DCDC2: variants seen among roughly 807,000 people sequenced by gnomAD.
DCDC2 encodes doublecortin domain-containing protein 2.
In DCDC2, 40 loss-of-function variants were observed where a neutral mutation model predicts 50.2. That is an observed-to-expected ratio of 0.80 (90% CI 0.62 to 1.04). The LOEUF (loss-of-function observed/expected upper bound fraction) is 1.04. Among genes scored for constraint, DCDC2 ranks in the 50% least tolerant of loss-of-function variants. The pLI is 0.00. For missense variants in DCDC2, 570 were observed against 581.9 expected, an observed-to-expected ratio of 0.98 and a Z score of 0.21; for synonymous variants, 234 against 210.6, an observed-to-expected ratio of 1.11 and a Z score of -0.96.
At chr6:24,261,873 A>G (rs1020916840) in intron 7 of DCDC2, among the ~76,000 whole-genome samples, 1 of 152,128 alleles carries the variant, frequency 6.6e-6, no homozygotes, top group Admixed American at 6.5e-5. Context: ...ATTCCAGTTG[A>G]AAAGTATCTC....
At chr6:24,348,590 AT>A (rs925674483) in intron 2 of DCDC2, among the ~76,000 whole-genome samples, 2 of 152,178 alleles carry the variant, frequency 1.3e-5, no homozygotes, top group Admixed American at 6.5e-5. Context: ...CTAGAGACTG[AT>A]TTTGACTCTT....
At chr6:24,209,381 A>C (rs1254289225) in intron 7 of DCDC2, among the ~76,000 whole-genome samples, 1 of 152,206 alleles carries the variant, frequency 6.6e-6, no homozygotes, top group African/African-American at 2.4e-5. Context: ...TTGCTACAGC[A>C]ACATCAGCTA....
upstream of DCDC2, among the ~76,000 whole-genome samples, chr6:24,362,436 A>G (rs9295623): frequency 0.069 from 6,023 of 86,728 alleles, 823 homozygotes; most frequent in Non-Finnish European, 0.076. Context: ...TTAATTGTAT[A>G]TTTATACAAT....
intron 6 of DCDC2, among the ~76,000 whole-genome samples, chr6:24,287,643 G>A (rs762829690): frequency 1.2e-4 from 19 of 152,148 alleles, no homozygotes; most frequent in Non-Finnish European, 2.4e-4. Context: ...GCATGCCCAC[G>A]TCTGCCCCAA....
the DCDC2 span, among the ~76,000 whole-genome samples, chr6:24,363,210 C>T: frequency 2.0e-5 from 3 of 152,226 alleles, no homozygotes; most frequent in South Asian, 6.2e-4. Context: ...AATAATACCA[C>T]CAGCAGGGCA....
At chr6:24,353,907 T>C (rs1381693667) in intron 1 of DCDC2, among the ~76,000 whole-genome samples, 1 of 152,220 alleles carries the variant, frequency 6.6e-6, no homozygotes, top group Non-Finnish European at 1.5e-5. Flanking sequence ...AGCTGCTTAC[T>C]ATATACACTA....
chr6:24,196,355 A>T (rs1022346506), intron 8 of DCDC2, among the ~76,000 whole-genome samples: 9 of 152,122 alleles, frequency 5.9e-5, no homozygotes, highest in Non-Finnish European at 1.0e-4. Flanking sequence ...TCATGAGCTC[A>T]CTTCCTTTGT....
At chr6:24,210,992 G>A (rs576783323) in intron 7 of DCDC2, among the ~76,000 whole-genome samples, 5 of 152,050 alleles carry the variant, frequency 3.3e-5, no homozygotes, top group Admixed American at 1.3e-4. Flanking sequence ...TTTTCACACC[G>A]TCAGCCAGAT....
At chr6:24,373,682 G>A in the DCDC2 span, among the ~76,000 whole-genome samples, 1 of 152,196 alleles carries the variant, frequency 6.6e-6, no homozygotes, top group Admixed American at 6.5e-5. Context: ...CAGGAAAATG[G>A]TAATCTCTCA....
At chr6:24,364,810 C>G in the DCDC2 span, among the ~76,000 whole-genome samples, 2 of 151,962 alleles carry the variant, frequency 1.3e-5, no homozygotes, top group African/African-American at 4.8e-5. Context: ...ACAGAAAATG[C>G]ACAGCCACGT....
chr6:24,174,606 T>C lies in DCDC2; in HGVS notation c.*124A>G. The C allele has an allele frequency of 1.7e-6, 1 of 585,768 alleles. No homozygotes were observed. The highest frequency in any genetic ancestry group is 2.9e-6 in the Non-Finnish European group (1 of 343,054). 36.3% of individuals were successfully genotyped at this position (585,768 alleles called of 1,614,324 possible). ...TCTTTCCACTAGGCTTCTAATGTTA[T>C]AATTCGTAGGTAGTATTCGACCATA... On this transcript the variant is annotated 3_prime_UTR_variant, in exon 10 of 10. Coordinates refer to ENST00000378454, the MANE Select transcript of DCDC2 (RefSeq NM_016356.5).
At chr6:24,191,094 A>G (rs1397319718) in intron 8 of DCDC2, among the ~76,000 whole-genome samples, 1 of 152,220 alleles carries the variant, frequency 6.6e-6, no homozygotes, top group Non-Finnish European at 1.5e-5. Context: ...AGCTTAGGTC[A>G]GGTTCCCTTC....
At position 24,355,224 on chromosome 6, in the gene DCDC2, A is replaced by AT. The variant is rs1300547599; in HGVS notation, c.294-1602dup. The stretch of plus-strand genomic sequence containing the variant: ...AACTGAAAGCAAAAATAACATGCAA[A>AT]TCTCTTAGAGAGACTTGAGTACACT... On this transcript the variant is annotated intron_variant, in intron 1 of 9. Transcript: ENST00000378454. Among the ~76,000 whole-genome samples the AT allele has an allele frequency of 2.0e-5, 3 of 152,030 alleles. 1 individual carries two copies. The highest frequency in any genetic ancestry group is 4.4e-5 in the Non-Finnish European group (3 of 67,968).
the DCDC2 span, among the ~76,000 whole-genome samples, chr6:24,370,854 T>C: frequency 2.0e-5 from 3 of 152,256 alleles, no homozygotes; most frequent in African/African-American, 4.8e-5. Context: ...CATGTGTCCA[T>C]CAATTGATGA....
intron 4 of DCDC2, among the ~76,000 whole-genome samples, chr6:24,292,728 A>G (rs140034945): frequency 2.2e-4 from 34 of 152,342 alleles, no homozygotes; most frequent in Middle Eastern, 3.4e-3. Context: ...GGGTTTCTGA[A>G]TACTGGCATT....
chr6:24,270,513 T>C (rs1763215419), intron 7 of DCDC2, among the ~76,000 whole-genome samples: 1 of 152,194 alleles, frequency 6.6e-6, no homozygotes, highest in East Asian at 1.9e-4. Flanking sequence ...CTGTGCTGAC[T>C]ACTCTGTGCG....
chr6:24,338,454 A>G (rs889381975), intron 2 of DCDC2, among the ~76,000 whole-genome samples: 8 of 152,110 alleles, frequency 5.3e-5, no homozygotes, highest in Non-Finnish European at 2.9e-5. Flanking sequence ...ATCTTTCTTC[A>G]TTACCCCACA....
chr6:24,217,048 A>G (rs1761997913), intron 7 of DCDC2, among the ~76,000 whole-genome samples: 1 of 152,290 alleles, frequency 6.6e-6, no homozygotes, highest in Admixed American at 6.5e-5. Flanking sequence ...AAAGCATTCA[A>G]TTTACTATAA....
the DCDC2 span, among the ~76,000 whole-genome samples, chr6:24,373,077 TAAG>T: frequency 6.6e-6 from 1 of 152,096 alleles, no homozygotes; most frequent in African/African-American, 2.4e-5. Flanking sequence ...TGACAAAAAT[TAAG>T]AAATAACAAA....
Sources: allele counts gnomAD v4.1 joint callset (sites outside exome capture counted in the v4.1 genomes callset), GRCh38; gene constraint gnomAD v4.1.1; transcripts MANE v1.5; gene names NCBI Gene and HGNC (gene_info 2026-07-23, HGNC 2026-07-21).